The following NBAS variants were observed in gnomAD, a reference collection of about 807,000 sequenced individuals.
NBAS encodes NBAS subunit of NRZ tethering complex, also known as NAG/BC035112 fusion.
Under a neutral mutation model 302.5 loss-of-function variants are expected in NBAS, and 219 were observed. The observed-to-expected ratio is 0.72, with a 90% CI of 0.65 to 0.81. The LOEUF is 0.81. Among genes scored for constraint, NBAS ranks in the 30% least tolerant of loss-of-function variants. The pLI is 0.00. For synonymous variants in NBAS, 1,118 were observed against 1,021.6 expected, an observed-to-expected ratio of 1.09 and a Z score of -1.80; for missense variants, 2,932 against 2,841.6, an observed-to-expected ratio of 1.03 and a Z score of -0.72.
intron 11 of NBAS, among the ~76,000 whole-genome samples, chr2:15,500,539 C>A (rs546747059): frequency 2.8e-5 from 4 of 144,524 alleles, no homozygotes; most frequent in African/African-American, 8.1e-5. Context: ...CACACACACA[C>A]AAAATTAGAA....
rs1293398418 is a variant in NBAS at position 15,474,085 on chromosome 2, C to T, written c.1581G>A (p.Glu527=). The T allele has an allele frequency of 6.2e-7, 1 of 1,613,992 alleles. No homozygotes were observed. Among genetic ancestry groups the T allele is most frequent in the Non-Finnish European group, 8.5e-7 (1 of 1,180,026 alleles). Residue 527 remains glutamate (E), a synonymous_variant, in exon 15 of 52, where the codon GAG becomes GAA. Coordinates refer to ENST00000281513, the MANE Select transcript of NBAS (RefSeq NM_015909.4). ...CTCTCACCTTCCTCTGATAAAGTTC[C>T]TCTGGTGTCGTGGAGCGCAAACTCA... ...RLVSLRSTTP[E]ELYQRKIESE... is the part of the protein sequence containing the mutation.
the NBAS span, among the ~76,000 whole-genome samples, chr2:14,885,031 G>A: frequency 2.0e-5 from 3 of 152,124 alleles, no homozygotes; most frequent in Non-Finnish European, 1.5e-5. Flanking sequence ...CACTGTATAG[G>A]GCCTTGAAGA....
At chr2:15,316,591 G>T (rs181794653) in intron 38 of NBAS, among the ~76,000 whole-genome samples, 2 of 152,206 alleles carry the variant, frequency 1.3e-5, no homozygotes, top group Admixed American at 6.5e-5. Flanking sequence ...CTGGCTCGGC[G>T]GGTCCCATGC....
chr2:15,211,351 A>G (rs190829254), intron 48 of NBAS, among the ~76,000 whole-genome samples: 3 of 152,344 alleles, frequency 2.0e-5, no homozygotes, highest in Admixed American at 2.0e-4. Flanking sequence ...GACAACGAAC[A>G]GTATTTGAAT....
At chr2:15,002,605 C>A in the NBAS span, among the ~76,000 whole-genome samples, 9 of 152,202 alleles carry the variant, frequency 5.9e-5, no homozygotes, top group Non-Finnish European at 1.0e-4. Context: ...ACTGGGGAGG[C>A]TCGGGCCGCA....
the NBAS span, among the ~76,000 whole-genome samples, chr2:15,120,101 A>G: frequency 6.6e-6 from 1 of 152,196 alleles, no homozygotes; most frequent in Non-Finnish European, 1.5e-5. Context: ...GTTGAGCCTT[A>G]AAACAGGAAG....
At chr2:15,330,102 A>G (rs985098652) in intron 36 of NBAS, among the ~76,000 whole-genome samples, 3 of 152,264 alleles carry the variant, frequency 2.0e-5, no homozygotes, top group Non-Finnish European at 4.4e-5. Flanking sequence ...TGAACTGCTA[A>G]TAGTTGTATG....
At chr2:15,367,377 C>T (rs1674262218) in intron 31 of NBAS, among the ~76,000 whole-genome samples, 4 of 152,042 alleles carry the variant, frequency 2.6e-5, no homozygotes, top group Admixed American at 2.0e-4. Context: ...CACAGCACTG[C>T]CAGGGAGGCT....
rs139928166 is a variant in NBAS at position 15,552,766 on chromosome 2, T to C, written c.335+660A>G. ...GCACACTCATATTCCATCTACAGTTTTGTACCAACAGAGAAAAAGCATACC... is the reference window on the plus strand; with the variant it reads ...GCACACTCATATTCCATCTACAGTTCTGTACCAACAGAGAAAAAGCATACC... On this transcript the variant is annotated intron_variant, in intron 5 of 51. Coordinates refer to ENST00000281513, the MANE Select transcript of NBAS (RefSeq NM_015909.4). Among the ~76,000 whole-genome samples, 465 of 151,950 alleles carry C rather than the reference T, an allele frequency of 3.1e-3. 1 individual carries two copies. The highest frequency in any genetic ancestry group is 0.01 in the African/African-American group (431 of 41,430).
At chr2:14,888,122 CTTTA>C in the NBAS span, among the ~76,000 whole-genome samples, 3 of 151,948 alleles carry the variant, frequency 2.0e-5, no homozygotes, top group Admixed American at 1.3e-4. Context: ...CGTTTTATCC[CTTTA>C]TTTATTTATT....
the NBAS span, among the ~76,000 whole-genome samples, chr2:15,002,833 G>C: frequency 4.9e-4 from 74 of 152,284 alleles, no homozygotes; most frequent in Middle Eastern, 6.8e-3. Flanking sequence ...CTCCAAGTGC[G>C]GGGCCCGCCA....
chr2:15,551,611 G>T, intron 5 of NBAS, 75 bp from the exon 6 acceptor site: 2 of 1,105,414 alleles, frequency 1.8e-6, no homozygotes, highest in Non-Finnish European at 2.7e-6. Flanking sequence ...AGATACTGTG[G>T]ACTAGACAGC....
At chr2:15,455,064 G>A (rs902163916) in intron 21 of NBAS, among the ~76,000 whole-genome samples, 28 of 151,978 alleles carry the variant, frequency 1.8e-4, no homozygotes, top group African/African-American at 6.0e-4. Flanking sequence ...CACCATGCCC[G>A]GCTAATTTTT....
chr2:15,380,624 CAACT>C (rs149638757), intron 29 of NBAS, among the ~76,000 whole-genome samples: 96,559 of 151,476 alleles, frequency 0.64, 31,637 homozygotes, highest in Middle Eastern at 0.71. Flanking sequence ...CTCTACTAGA[CAACT>C]AACAACATCA....
At position 15,504,231 on chromosome 2, in the gene NBAS, C is replaced by T. The variant is rs373137835; in HGVS notation, c.886-18G>A. 41 of 1,581,880 alleles carry T rather than the reference C, an allele frequency of 2.6e-5. No homozygotes were observed. The highest frequency in any genetic ancestry group is 3.3e-5 in the Non-Finnish European group (38 of 1,151,020). The stretch of plus-strand genomic sequence containing the variant: ...TTCGGTACCTGCAAAATAAATGCAT[C>T]ATATGAAGAAAGATTACTGAAATGA... On this transcript the variant is annotated intron_variant, in intron 10 of 51. Coordinates refer to ENST00000281513, the MANE Select transcript of NBAS (RefSeq NM_015909.4).
rs1239429624 is a variant in NBAS, at chr2:15,490,052, C to G, written c.955-1030G>C. 4.1e-4 allele frequency among the ~76,000 whole-genome samples: 63 copies of G among 152,090 alleles called. 1 individual carries two copies. The highest frequency in any genetic ancestry group is 4.1e-3 in the Admixed American group (63 of 15,266). On this transcript the variant is annotated intron_variant, in intron 11 of 51. Transcript: ENST00000281513. ...ACCTCTTAGAAGAGTCATAAACTTT[C>G]CAGTTAGTCAATGCCCACACCTTTC...
intron 21 of NBAS, among the ~76,000 whole-genome samples, chr2:15,435,009 A>G (rs760593065): frequency 6.6e-6 from 1 of 152,220 alleles, no homozygotes; most frequent in Non-Finnish European, 1.5e-5. Flanking sequence ...GACCCTGACA[A>G]ATAGCCTTTA....
At chr2:15,363,428 CT>C (rs1674038024) in intron 32 of NBAS, among the ~76,000 whole-genome samples, 2 of 152,062 alleles carry the variant, frequency 1.3e-5, no homozygotes, top group Admixed American at 1.3e-4. Context: ...GTAAAATCTG[CT>C]GAATGTCTGT....
chr2:15,426,329 T>A (rs1677476415), intron 22 of NBAS, among the ~76,000 whole-genome samples: 1 of 152,172 alleles, frequency 6.6e-6, no homozygotes, highest in South Asian at 2.1e-4. Flanking sequence ...AAGGTCATGG[T>A]GGTATGCTGT....
Sources: allele counts gnomAD v4.1 joint callset (sites outside exome capture counted in the v4.1 genomes callset), GRCh38; gene constraint gnomAD v4.1.1; transcripts MANE v1.5; gene names NCBI Gene and HGNC (gene_info 2026-07-23, HGNC 2026-07-21).